NRXN1: variants seen among roughly 807,000 people sequenced by gnomAD.
NRXN1 encodes neurexin-1.
A neutral mutation model predicts 150.9 loss-of-function variants in NRXN1; 39 were observed. The ratio of observed to expected loss-of-function variants is 0.26; its 90% CI spans 0.20 to 0.34. The LOEUF is 0.34. Among genes scored for constraint, NRXN1 ranks in the 10% least tolerant of loss-of-function variants. The pLI, the probability that NRXN1 is intolerant of heterozygous loss-of-function variation, is 1.00. For missense variants in NRXN1, 1,815 were observed against 1,949.9 expected (o/e 0.93, Z 1.30); for synonymous variants, 924 against 757.0 (o/e 1.22, Z -3.62).
chr2:50,293,529 A>G (rs760007157), intron 17 of NRXN1, among the ~76,000 whole-genome samples: 16 of 152,138 alleles, frequency 1.1e-4, no homozygotes, highest in Non-Finnish European at 1.6e-4. Flanking sequence ...ACAAAATTCA[A>G]TACTGCTTCG....
intron 22 of NRXN1, among the ~76,000 whole-genome samples, chr2:49,937,119 C>A (rs954609412): frequency 6.6e-6 from 1 of 152,218 alleles, no homozygotes; most frequent in African/African-American, 2.4e-5. Context: ...CTCCTAATTT[C>A]TGTGGAAAGG....
intron 19 of NRXN1, among the ~76,000 whole-genome samples, chr2:50,082,360 G>C (rs936846607): frequency 3.3e-5 from 5 of 152,090 alleles, no homozygotes; most frequent in African/African-American, 9.7e-5. Flanking sequence ...ATTATGATAA[G>C]AACTTAAATT....
At chr2:49,984,094 G>T (rs1429615252) in intron 21 of NRXN1, among the ~76,000 whole-genome samples, 3 of 152,120 alleles carry the variant, frequency 2.0e-5, no homozygotes, top group African/African-American at 7.2e-5. Flanking sequence ...TTGAGCCTAA[G>T]AGGCTGAGGC....
intron 5 of NRXN1, among the ~76,000 whole-genome samples, chr2:50,920,199 T>A (rs1011460588): frequency 1.3e-5 from 2 of 151,776 alleles, no homozygotes. Context: ...ATTCCTGTCC[T>A]CTGTGTCTTT....
At chr2:50,299,268 C>T (rs1043590495) in intron 17 of NRXN1, among the ~76,000 whole-genome samples, 3 of 152,102 alleles carry the variant, frequency 2.0e-5, no homozygotes, top group South Asian at 4.1e-4. Flanking sequence ...CTGTCATCTG[C>T]TATATATTGG....
chr2:50,744,770 A>C (rs763832131), intron 5 of NRXN1, among the ~76,000 whole-genome samples: 4 of 152,184 alleles, frequency 2.6e-5, no homozygotes, highest in Admixed American at 6.6e-5. Flanking sequence ...GGTTACATGA[A>C]ACTGTAAAAA....
In NRXN1 at chr2:50,029,007, C is replaced by T. The variant is rs555911510; in HGVS notation, c.4128+24264G>A. On this transcript the variant is annotated intron_variant, in intron 21 of 22. Coordinates refer to ENST00000401669, the MANE Select transcript of NRXN1 (RefSeq NM_001330078.2). ...GATGGTCTGAATGTTTGTGTTTTCC[C>T]CAAATTCATATGTTGAAACCTAATC... Among the ~76,000 whole-genome samples the T allele has an allele frequency of 5.3e-5, 8 of 152,268 alleles. No homozygotes were observed. In the South Asian group the frequency reaches 1.7e-3, roughly 32 times the overall value.
chr2:50,681,342 T>C (rs1026435368), intron 5 of NRXN1, among the ~76,000 whole-genome samples: 2 of 152,208 alleles, frequency 1.3e-5, no homozygotes, highest in African/African-American at 4.8e-5. Flanking sequence ...TGATCTCTTT[T>C]AAGAAAAAAC....
At chr2:50,143,226 C>T (rs552604116) in intron 18 of NRXN1, among the ~76,000 whole-genome samples, 35 of 151,546 alleles carry the variant, frequency 2.3e-4, no homozygotes, top group Admixed American at 7.3e-4. Flanking sequence ...AAATGTAATG[C>T]ACCATGAAAA....
chr2:51,008,640 T>C (rs1010795022), intron 2 of NRXN1, among the ~76,000 whole-genome samples: 5 of 151,968 alleles, frequency 3.3e-5, no homozygotes, highest in African/African-American at 7.2e-5. Flanking sequence ...TTATAATACA[T>C]CATTTTAATT....
At chr2:50,325,433 A>T (rs1327968583) in intron 17 of NRXN1, among the ~76,000 whole-genome samples, 1 of 152,120 alleles carries the variant, frequency 6.6e-6, no homozygotes, top group Non-Finnish European at 1.5e-5. Context: ...CCTTAGGGGG[A>T]TGGGGACTAA....
chr2:50,470,839 T>G (rs1380483328), intron 16 of NRXN1, among the ~76,000 whole-genome samples: 1 of 151,702 alleles, frequency 6.6e-6, no homozygotes, highest in African/African-American at 2.4e-5. Flanking sequence ...AAAATGAAAG[T>G]GGCAATCAAA....
intron 17 of NRXN1, among the ~76,000 whole-genome samples, chr2:50,400,943 T>C (rs192038139): frequency 7.9e-5 from 12 of 152,312 alleles, no homozygotes; most frequent in African/African-American, 2.6e-4. Flanking sequence ...GTCATAGTGC[T>C]GTGTGATCAC....
At chr2:50,609,362 T>C (rs951404009) in intron 8 of NRXN1, among the ~76,000 whole-genome samples, 2 of 152,154 alleles carry the variant, frequency 1.3e-5, no homozygotes, top group African/African-American at 4.8e-5. Flanking sequence ...GGCCCTTCTA[T>C]GTGTGGAGCC....
At chr2:50,867,679 G>C (rs1339362145) in intron 5 of NRXN1, among the ~76,000 whole-genome samples, 1 of 151,618 alleles carries the variant, frequency 6.6e-6, no homozygotes, top group Non-Finnish European at 1.5e-5. Context: ...GGCAGAACCT[G>C]TGAATTTTAC....
intron 21 of NRXN1, among the ~76,000 whole-genome samples, chr2:50,045,156 CCAACAACAACAA>C (rs150907464): frequency 4.6e-5 from 7 of 150,772 alleles, no homozygotes; most frequent in East Asian, 3.9e-4. Flanking sequence ...TTCAGTGATA[CCAACAACAACAA>C]CAACAACAAC....
At chr2:50,759,141 A>G (rs948637053) in intron 5 of NRXN1, among the ~76,000 whole-genome samples, 4 of 151,984 alleles carry the variant, frequency 2.6e-5, no homozygotes, top group Non-Finnish European at 5.9e-5. Context: ...TTCTTGTAAT[A>G]AATAAATCAC....
chr2:50,531,718 T>G (rs995110794), intron 10 of NRXN1, among the ~76,000 whole-genome samples: 2 of 152,092 alleles, frequency 1.3e-5, no homozygotes, highest in African/African-American at 2.4e-5. Context: ...CATGTTGAAT[T>G]TTGAGTGTTT....
At chr2:50,657,213 T>C (rs762330064) in intron 5 of NRXN1, among the ~76,000 whole-genome samples, 25 of 151,968 alleles carry the variant, frequency 1.6e-4, no homozygotes, top group Non-Finnish European at 1.5e-4. Context: ...CATCTCCCCA[T>C]TGACTCTTTA....
Sources: allele counts gnomAD v4.1 joint callset (sites outside exome capture counted in the v4.1 genomes callset), GRCh38; gene constraint gnomAD v4.1.1; transcripts MANE v1.5; gene names NCBI Gene and HGNC (gene_info 2026-07-23, HGNC 2026-07-21).